Variants in FAR1 observed in about 807,000 individuals in gnomAD.
FAR1 encodes the protein male sterility domain-containing protein 2.
In FAR1, 22 loss-of-function variants were observed where a neutral mutation model predicts 61.1. The observed-to-expected ratio is 0.36, with a 90% confidence interval of 0.26 to 0.51. The LOEUF (loss-of-function observed/expected upper bound fraction) is 0.51. Ranked by LOEUF, FAR1 falls within the 20% of genes least tolerant of loss-of-function variation. The pLI, the probability that FAR1 is intolerant of heterozygous loss-of-function variation, is 0.95. For missense variants in FAR1, 359 were observed against 626.9 expected (o/e 0.57, Z 4.56); for synonymous variants, 206 against 209.7 (o/e 0.98, Z 0.15).
intron 1 of FAR1, among the ~76,000 whole-genome samples, chr11:13,682,839 C>T (rs563333441): frequency 1.2e-4 from 18 of 151,876 alleles, no homozygotes; most frequent in South Asian, 2.1e-4. Flanking sequence ...CTCAAACTCA[C>T]GGGCTCAAGC....
intron 3 of FAR1, among the ~76,000 whole-genome samples, chr11:13,704,954 C>G (rs1848417376): frequency 6.6e-6 from 1 of 151,958 alleles, no homozygotes; most frequent in South Asian, 2.1e-4. Context: ...GTATGAGAAC[C>G]CTGGTTTAAG....
intron 2 of FAR1, among the ~76,000 whole-genome samples, chr11:13,695,994 C>T (rs962460842): frequency 9.9e-5 from 15 of 152,130 alleles, no homozygotes; most frequent in African/African-American, 2.9e-4. Context: ...TTTTTTCTCT[C>T]TGATTCTTTG....
At chr11:13,706,024 A>AT (rs1261818028) in intron 3 of FAR1, among the ~76,000 whole-genome samples, 4 of 152,134 alleles carry the variant, frequency 2.6e-5, no homozygotes, top group Admixed American at 2.0e-4. Context: ...CAATAGTTGG[A>AT]TTTTTTTCTT....
At chr11:13,724,572 CTG>C (rs1848650185) in intron 10 of FAR1, among the ~76,000 whole-genome samples, 1 of 144,490 alleles carries the variant, frequency 6.9e-6, no homozygotes, top group South Asian at 2.2e-4. Flanking sequence ...AAAAAAAAGA[CTG>C]TAGATTTGGG....
chr11:13,710,722 T>C lies in FAR1; in HGVS notation c.575T>C (p.Ile192Thr), dbSNP rs1464334357. 1.3e-6 allele frequency: 2 copies of C among 1,599,006 alleles called. No individual in the cohort carries two copies. Among genetic ancestry groups the C allele is most frequent in the Admixed American group, 3.6e-5 (2 of 55,336 alleles). ...ATGGATGATGGCCTAGTAAATGATA[T>C]CACGCCAAAATTGATAGGAGACAGA... ...EWMDDGLVND[I>T]TPKLIGDRPN... The change falls in exon 5 of 12, where the codon ATC becomes ACC. Residue 192 changes from isoleucine to threonine, a missense_variant. Around this residue, in one of 2 missense-constraint regions of FAR1, gnomAD observed 344 missense variants for 570.3 expected, o/e 0.60. Transcript: ENST00000354817.
At chr11:13,687,067 G>C (rs1011781230) in intron 1 of FAR1, among the ~76,000 whole-genome samples, 3 of 152,160 alleles carry the variant, frequency 2.0e-5, no homozygotes, top group Non-Finnish European at 4.4e-5. Context: ...TATATCTTAA[G>C]TAGCTTTGTA....
chr11:13,720,079 C>G (rs1848594478), intron 9 of FAR1: 1 of 152,114 alleles, frequency 6.6e-6, no homozygotes, highest in African/African-American at 2.4e-5. Context: ...ATAAATTTCA[C>G]ACACAAATAT....
chr11:13,676,746 C>T (rs1179904108), intron 1 of FAR1, among the ~76,000 whole-genome samples: 1 of 152,060 alleles, frequency 6.6e-6, no homozygotes, highest in African/African-American at 2.4e-5. Flanking sequence ...GACATTTGAC[C>T]CCACAGAGCT....
intron 1 of FAR1, among the ~76,000 whole-genome samples, chr11:13,688,035 C>A (rs576379287): frequency 7.3e-5 from 11 of 151,698 alleles, no homozygotes; most frequent in Non-Finnish European, 1.5e-4. Context: ...ACCAACATGG[C>A]ACATGTATAC....
intron 9 of FAR1, among the ~76,000 whole-genome samples, chr11:13,716,660 C>T (rs749894811): frequency 6.6e-6 from 1 of 152,146 alleles, no homozygotes; most frequent in Non-Finnish European, 1.5e-5. Context: ...GTGGAGGCTG[C>T]GTTGCCTTTT....
chr11:13,695,605 T>C (rs1228085745), intron 2 of FAR1, among the ~76,000 whole-genome samples: 1 of 152,214 alleles, frequency 6.6e-6, no homozygotes, highest in Admixed American at 6.5e-5. Flanking sequence ...TCAATTTTGG[T>C]ACACATAAGG....
At chr11:13,715,472 A>T (rs1199582194) in intron 9 of FAR1, among the ~76,000 whole-genome samples, 1 of 152,158 alleles carries the variant, frequency 6.6e-6, no homozygotes, top group Non-Finnish European at 1.5e-5. Flanking sequence ...ATTAAGGGCA[A>T]AAGTTTTGCT....
intron 1 of FAR1, among the ~76,000 whole-genome samples, chr11:13,687,276 T>G (rs1848197264): frequency 6.6e-6 from 1 of 152,204 alleles, no homozygotes; most frequent in Non-Finnish European, 1.5e-5. Flanking sequence ...TTGAACAAAA[T>G]AGCTAGCTAC....
intron 1 of FAR1, among the ~76,000 whole-genome samples, chr11:13,688,830 A>T (rs1459388522): frequency 6.6e-6 from 1 of 151,904 alleles, no homozygotes; most frequent in Non-Finnish European, 1.5e-5. Flanking sequence ...CGTTTTATTT[A>T]TTTATTTTTT....
intron 1 of FAR1, among the ~76,000 whole-genome samples, chr11:13,682,529 T>C (rs1022362794): frequency 6.6e-6 from 1 of 152,222 alleles, no homozygotes; most frequent in Non-Finnish European, 1.5e-5. Flanking sequence ...TGGAAAATAC[T>C]TGTTACTTGG....
At chr11:13,706,956 A>C (rs968046603) in intron 3 of FAR1, among the ~76,000 whole-genome samples, 1 of 152,222 alleles carries the variant, frequency 6.6e-6, no homozygotes, top group African/African-American at 2.4e-5. Context: ...TAAGTAGGCC[A>C]AGTCAGGATT....
chr11:13,687,334 A>C (rs1244415162), intron 1 of FAR1, among the ~76,000 whole-genome samples: 1 of 152,220 alleles, frequency 6.6e-6, no homozygotes, highest in East Asian at 1.9e-4. Context: ...AGTGAAAATA[A>C]ATGTAAATTA....
chr11:13,671,126 A>G (rs1380192313), intron 1 of FAR1, among the ~76,000 whole-genome samples: 2 of 152,214 alleles, frequency 1.3e-5, no homozygotes, highest in Non-Finnish European at 2.9e-5. Flanking sequence ...AACAATACCT[A>G]AGTGCTGAGG....
intron 10 of FAR1, among the ~76,000 whole-genome samples, chr11:13,727,222 A>G (rs573568493): frequency 6.6e-6 from 1 of 152,146 alleles, no homozygotes; most frequent in East Asian, 1.9e-4. Flanking sequence ...TGAGGAATAC[A>G]TAGATCTATG....
Sources: allele counts gnomAD v4.1 joint callset (sites outside exome capture counted in the v4.1 genomes callset), GRCh38; gene constraint gnomAD v4.1.1; regional missense constraint gnomAD v4.1.1; transcripts MANE v1.5; gene names NCBI Gene and HGNC (gene_info 2026-07-23, HGNC 2026-07-21).